Variants in SLAMF9 observed in about 807,000 individuals in gnomAD.
The protein encoded by SLAMF9 is SLAM family member 9, also known as CD2 family member 10.
In SLAMF9, 25 loss-of-function variants were observed where a neutral mutation model predicts 30.4. The ratio of observed to expected loss-of-function variants is 0.82; its 90% CI spans 0.60 to 1.15. The LOEUF (loss-of-function observed/expected upper bound fraction) is 1.15. Ranked by LOEUF, SLAMF9 falls within the 50% of genes most tolerant of loss-of-function variation. The pLI is 0.00. For synonymous variants in SLAMF9, 129 were observed against 127.2 expected (o/e 1.01, Z -0.09); for missense variants, 344 against 346.1 (o/e 0.99, Z 0.05).
chr1:159,955,235 A>G (rs1411884185), upstream of SLAMF9, among the ~76,000 whole-genome samples: 1 of 152,222 alleles, frequency 6.6e-6, no homozygotes, highest in Non-Finnish European at 1.5e-5. Context: ...ACTGCAGAGG[A>G]TCAGGGTTAT....
In SLAMF9 at chr1:159,953,330, G is replaced by T. The variant is rs1232957955; in HGVS notation, c.370C>A (p.Gln124Lys). 4.4e-6 allele frequency: 7 copies of T among 1,607,508 alleles called. No homozygotes were observed. The highest frequency in any genetic ancestry group is 6.0e-6 in the Non-Finnish European group (7 of 1,174,458). The part of the protein sequence containing the change: ...LRTSQISTMQ[Q>K]YNICVYRWLS... ...TCACGGTAGACACATATATTGTACT[G>T]CTGCATGGTAGAGATCTGGGATGTT... Residue 124 changes from glutamine to lysine, a missense_variant, in exon 2 of 4, where the codon CAG (glutamine) becomes AAG (lysine). By Grantham distance (53) the Gln-to-Lys change is moderately conservative. Transcript: ENST00000368093.
the SLAMF9 span, among the ~76,000 whole-genome samples, chr1:159,971,330 C>A: frequency 6.6e-6 from 1 of 152,176 alleles, no homozygotes; most frequent in African/African-American, 2.4e-5. Flanking sequence ...AAGGCTGATT[C>A]TTCGCTAGGC....
the SLAMF9 span, among the ~76,000 whole-genome samples, chr1:159,970,191 T>C: frequency 1.3e-5 from 2 of 152,234 alleles, no homozygotes; most frequent in African/African-American, 4.8e-5. Flanking sequence ...TCCTCAAAGT[T>C]GGGCTTTCTG....
chr1:159,980,867 T>C, the SLAMF9 span, among the ~76,000 whole-genome samples: 1 of 152,238 alleles, frequency 6.6e-6, no homozygotes, highest in South Asian at 2.1e-4. Context: ...TCTAATGCTT[T>C]CCCTGCTCTC....
chr1:159,971,730 C>T, the SLAMF9 span, among the ~76,000 whole-genome samples: 4 of 152,104 alleles, frequency 2.6e-5, no homozygotes. Context: ...TTAGGACGTG[C>T]AGTAGAAAGT....
the SLAMF9 span, among the ~76,000 whole-genome samples, chr1:159,962,906 T>C: frequency 6.6e-6 from 1 of 152,174 alleles, no homozygotes; most frequent in Non-Finnish European, 1.5e-5. Context: ...GGATAAGTTA[T>C]GGTTACCCTA....
At chr1:159,954,014 T>A in intron 1 of SLAMF9, 78 bp downstream of exon 1, 1 of 1,561,272 alleles carries the variant, frequency 6.4e-7, no homozygotes, top group South Asian at 1.1e-5. Flanking sequence ...GAAAGGGTCT[T>A]ACTGGCCCAG....
upstream of SLAMF9, among the ~76,000 whole-genome samples, chr1:159,954,651 A>G (rs1651884754): frequency 6.6e-6 from 1 of 152,154 alleles, no homozygotes. Context: ...TGCTGGCCCC[A>G]TACTAGACAT....
At chr1:159,953,870 C>A (rs1651862442) in intron 1 of SLAMF9, among the ~76,000 whole-genome samples, 1 of 152,212 alleles carries the variant, frequency 6.6e-6, no homozygotes, top group African/African-American at 2.4e-5. Context: ...CCTTCACCCT[C>A]CAAGTTTTAC....
chr1:159,953,986 G>T (rs1651865051), intron 1 of SLAMF9, 106 bp downstream of exon 1: 2 of 1,375,578 alleles, frequency 1.5e-6, no homozygotes, highest in Non-Finnish European at 2.0e-6. Context: ...CAGAAGAGCT[G>T]ACACATTCAA....
the SLAMF9 span, chr1:159,976,919 A>T: frequency 1.4e-3 from 1 of 708 alleles, no homozygotes; most frequent in Non-Finnish European, 0.029. Flanking sequence ...AAAAAAAGAA[A>T]GAAAGAAAGA....
At chr1:159,978,222 A>T in the SLAMF9 span, among the ~76,000 whole-genome samples, 28 of 152,262 alleles carry the variant, frequency 1.8e-4, no homozygotes, top group Non-Finnish European at 3.4e-4. Context: ...GTGAGACCTC[A>T]GTGACAACCA....
the SLAMF9 span, among the ~76,000 whole-genome samples, chr1:159,964,312 C>CCATG: frequency 6.6e-6 from 1 of 152,028 alleles, no homozygotes; most frequent in Non-Finnish European, 1.5e-5. Flanking sequence ...CTAAGTAAAG[C>CCATG]CATGAAACAA....
intron 1 of SLAMF9, 61 bp from the exon 2 acceptor site, chr1:159,953,714 GC>G: frequency 6.8e-7 from 1 of 1,460,070 alleles, no homozygotes. Context: ...GCTGAACCTG[GC>G]AGTGGAGCTG....
At chr1:159,972,825 G>T in the SLAMF9 span, 1 of 912,484 alleles carries the variant, frequency 1.1e-6, no homozygotes, top group Non-Finnish European at 1.5e-6. Flanking sequence ...AGTGAGCACA[G>T]GATGGGACAC....
the SLAMF9 span, among the ~76,000 whole-genome samples, chr1:159,977,403 T>C: frequency 6.6e-6 from 1 of 152,212 alleles, no homozygotes; most frequent in African/African-American, 2.4e-5. Flanking sequence ...ATGTAGTCTT[T>C]ACTTCAGGAG....
At chr1:159,960,168 C>T in the SLAMF9 span, among the ~76,000 whole-genome samples, 3 of 119,930 alleles carry the variant, frequency 2.5e-5, no homozygotes, top group Admixed American at 2.7e-4. Flanking sequence ...CTCCCCCCTC[C>T]CCCCACCCCA....
In SLAMF9 at chr1:159,951,842, G is replaced by A. The variant is rs753512634; in HGVS notation, c.689C>T (p.Pro230Leu). The change falls in exon 4 of 4, where the codon CCT (proline) becomes CTT (leucine). Residue 230 changes from proline (P) to leucine (L), a missense_variant. Physicochemically the swap from Pro to Leu is moderately conservative, Grantham distance 98. Transcript: ENST00000368093. ...YADPNYASEK[P>L]STAFCLLAKG... ...GGCCAGGAGGCAGAAGGCTGTTGAAGGCTTCTCAGAAGCATAGTTAGGATC... is the reference window on the plus strand; with the variant it reads ...GGCCAGGAGGCAGAAGGCTGTTGAAAGCTTCTCAGAAGCATAGTTAGGATC... The A allele has an allele frequency of 1.8e-5, 29 of 1,613,992 alleles. No homozygotes were observed. In the East Asian group the frequency reaches 3.3e-4, roughly 19 times the overall value.
chr1:159,969,991 T>G, the SLAMF9 span, among the ~76,000 whole-genome samples: 1 of 151,236 alleles, frequency 6.6e-6, no homozygotes, highest in African/African-American at 2.4e-5. Context: ...GAAGGGGGAG[T>G]GGAGACTGCA....
Sources: allele counts gnomAD v4.1 joint callset (sites outside exome capture counted in the v4.1 genomes callset), GRCh38; gene constraint gnomAD v4.1.1; transcripts MANE v1.5; gene names NCBI Gene and HGNC (gene_info 2026-07-23, HGNC 2026-07-21).